The following STXBP5 variants were observed in gnomAD, a reference collection of about 807,000 sequenced individuals.
STXBP5 encodes the protein syntaxin-binding protein 5.
Under a neutral mutation model 152.4 loss-of-function variants are expected in STXBP5, and 50 were observed. The ratio of observed to expected loss-of-function variants is 0.33; its 90% confidence interval spans 0.26 to 0.42. The LOEUF is 0.42. Among genes scored for constraint, STXBP5 ranks in the 10% least tolerant of loss-of-function variants. The pLI is 1.00. For synonymous variants in STXBP5, 492 were observed against 494.7 expected (o/e 0.99, Z 0.07); for missense variants, 1,167 against 1,388.6 (o/e 0.84, Z 2.54).
intron 9 of STXBP5, among the ~76,000 whole-genome samples, chr6:147,299,716 G>C (rs898940240): frequency 3.9e-5 from 6 of 151,932 alleles, no homozygotes; most frequent in African/African-American, 1.4e-4. Flanking sequence ...GAATTAAACA[G>C]TACATTAAAA....
intron 8 of STXBP5, among the ~76,000 whole-genome samples, chr6:147,288,020 T>C (rs906944363): frequency 2.6e-5 from 4 of 151,990 alleles, no homozygotes; most frequent in African/African-American, 9.7e-5. Context: ...TGGGGCCTTC[T>C]CCTTTCCTCA....
intron 9 of STXBP5, chr6:147,292,398 A>G: frequency 6.5e-6 from 2 of 309,650 alleles, no homozygotes; most frequent in South Asian, 5.2e-5. Context: ...TTTGTGGTTC[A>G]TTTTCCTCAC....
At chr6:147,244,214 C>T (rs1166168344) in intron 4 of STXBP5, among the ~76,000 whole-genome samples, 3 of 152,098 alleles carry the variant, frequency 2.0e-5, no homozygotes, top group Non-Finnish European at 4.4e-5. Context: ...ATATAAGGGA[C>T]TTGAGCATTA....
chr6:147,247,171 T>C (rs1054261524), intron 4 of STXBP5, among the ~76,000 whole-genome samples: 1 of 152,206 alleles, frequency 6.6e-6, no homozygotes, highest in Non-Finnish European at 1.5e-5. Context: ...ATTGCACATG[T>C]TGAACAAGGA....
chr6:147,219,766 CCT>C (rs1777361816), intron 2 of STXBP5, among the ~76,000 whole-genome samples: 1 of 146,680 alleles, frequency 6.8e-6, no homozygotes, highest in African/African-American at 2.5e-5. Context: ...ATTTGTGTCC[CCT>C]CTCCTTTTTC....
rs147385286 is a variant in STXBP5, at chr6:147,252,040, A to C, written c.432-8575A>C. Among the ~76,000 whole-genome samples, 718 of 152,266 alleles carry C rather than the reference A, an allele frequency of 4.7e-3. 29 individuals are homozygous for C. In the East Asian group the frequency reaches 0.12, roughly 26 times the overall value. On this transcript the variant is annotated intron_variant, in intron 4 of 27. Transcript: ENST00000321680. ...AGAAAGGAATAGCATCAACATCAAC[A>C]AAAAGGGCATCCACACAGAAACACC... is the stretch of plus-strand genomic sequence containing the variant.
At chr6:147,281,628 C>A (rs1780706026) in intron 8 of STXBP5, among the ~76,000 whole-genome samples, 1 of 152,062 alleles carries the variant, frequency 6.6e-6, no homozygotes, top group East Asian at 1.9e-4. Context: ...TATTTAAGTT[C>A]ATCTAATGGT....
intron 2 of STXBP5, among the ~76,000 whole-genome samples, chr6:147,224,094 C>T (rs1777590168): frequency 6.6e-6 from 1 of 152,152 alleles, no homozygotes; most frequent in Non-Finnish European, 1.5e-5. Context: ...TATAAAAGAC[C>T]TTGAAGTCTA....
At chr6:147,329,494 A>G (rs1326197859) in intron 18 of STXBP5, among the ~76,000 whole-genome samples, 1 of 150,968 alleles carries the variant, frequency 6.6e-6, no homozygotes, top group Non-Finnish European at 1.5e-5. Flanking sequence ...AAATAAAATT[A>G]AATATAGAAT....
chr6:147,224,321 A>C (rs145775194), intron 2 of STXBP5, among the ~76,000 whole-genome samples: 2,355 of 152,260 alleles, frequency 0.015, 61 homozygotes, highest in African/African-American at 0.054. Context: ...AGCTACTGGG[A>C]GGCTGAGGCA....
At chr6:147,224,674 A>G (rs560141211) in intron 2 of STXBP5, among the ~76,000 whole-genome samples, 10 of 152,310 alleles carry the variant, frequency 6.6e-5, no homozygotes, top group African/African-American at 2.4e-4. Context: ...TAAATGTATC[A>G]TGTACTGCTG....
chr6:147,240,100 C>T (rs183988693), intron 4 of STXBP5, among the ~76,000 whole-genome samples: 131 of 152,088 alleles, frequency 8.6e-4, no homozygotes, highest in Non-Finnish European at 1.4e-3. Context: ...CACCACAACA[C>T]CTGGCTAATT....
intron 2 of STXBP5, among the ~76,000 whole-genome samples, chr6:147,215,153 AACTT>A (rs1247029796): frequency 6.6e-6 from 1 of 152,230 alleles, no homozygotes; most frequent in Non-Finnish European, 1.5e-5. Context: ...GCGTCAGTAA[AACTT>A]TATTTATAAA....
intron 2 of STXBP5, among the ~76,000 whole-genome samples, chr6:147,224,256 T>TC (rs1206324698): frequency 2.0e-5 from 3 of 152,184 alleles, no homozygotes; most frequent in African/African-American, 7.2e-5. Flanking sequence ...TGAAACCCTG[T>TC]CTCTACTAAA....
chr6:147,337,157 C>T (rs1207910570), intron 19 of STXBP5, among the ~76,000 whole-genome samples: 2 of 132,400 alleles, frequency 1.5e-5, no homozygotes, highest in Non-Finnish European at 3.2e-5. Flanking sequence ...TTTTTTAGTA[C>T]TGCATGCAAA....
intron 4 of STXBP5, among the ~76,000 whole-genome samples, chr6:147,244,426 A>T (rs529339050): frequency 6.6e-6 from 1 of 152,212 alleles, no homozygotes; most frequent in African/African-American, 2.4e-5. Context: ...CAGTTTGTCA[A>T]TATCCACACA....
Position 147,382,906 on chromosome 6 carries a change from C to G in STXBP5, c.3322C>G (p.Leu1108Val), listed in dbSNP as rs893425430. The G allele has an allele frequency of 3.7e-6, 6 of 1,613,262 alleles. No individual in the cohort carries two copies. The African/African-American group carries it at 4.0e-5, about 11-fold the overall frequency. ...TGAATTAGCACGAGCCAGGCTGGCA[C>G]TAGATGAAAGAGGGCAGAAACTTGG... ...VGELARARLA[L>V]DERGQKLGDL... Residue 1108 changes from leucine to valine, a missense_variant, in exon 27 of 28, where the codon CTA becomes GTA. Physicochemically the swap from Leu to Val is conservative, Grantham distance 32. This residue lies in a region of STXBP5 where 833 missense variants were observed against 986.3 expected (regional missense o/e 0.84). Coordinates refer to ENST00000321680, the MANE Select transcript of STXBP5 (RefSeq NM_001127715.4).
At chr6:147,236,312 A>G (rs1176403821) in intron 3 of STXBP5, among the ~76,000 whole-genome samples, 1 of 152,054 alleles carries the variant, frequency 6.6e-6, no homozygotes, top group South Asian at 2.1e-4. Flanking sequence ...AAGATGTTAA[A>G]TTTTTTTTAA....
At chr6:147,245,175 C>T (rs1480496130) in intron 4 of STXBP5, among the ~76,000 whole-genome samples, 2 of 151,468 alleles carry the variant, frequency 1.3e-5, no homozygotes, top group African/African-American at 4.9e-5. Context: ...GAATTGAAGG[C>T]ACTGTCTCCA....
Sources: gnomAD v4.1 joint callset for allele counts (sites outside exome capture counted in the v4.1 genomes callset) on GRCh38, gnomAD v4.1.1 for gene constraint, gnomAD v4.1.1 regional missense constraint, MANE v1.5 for transcripts, NCBI Gene and HGNC (gene_info 2026-07-23, HGNC 2026-07-21) for gene names.